Variants in MACROD2 observed in about 807,000 individuals in gnomAD.
MACROD2 encodes the protein mono-ADP ribosylhydrolase 2.
Under a neutral mutation model 70.4 loss-of-function variants are expected in MACROD2, and 36 were observed. The ratio of observed to expected loss-of-function variants is 0.51; its 90% CI spans 0.39 to 0.68. The LOEUF is 0.68. Among genes scored for constraint, MACROD2 ranks in the 30% least tolerant of loss-of-function variants. The pLI, the probability that MACROD2 is intolerant of heterozygous loss-of-function variation, is 0.00. For synonymous variants in MACROD2, 172 were observed against 178.8 expected (o/e 0.96, Z 0.30); for missense variants, 496 against 538.4 (o/e 0.92, Z 0.78).
At chr20:14,702,241 CAT>C (rs2071204831) in intron 5 of MACROD2, among the ~76,000 whole-genome samples, 1 of 151,810 alleles carries the variant, frequency 6.6e-6, no homozygotes, top group Admixed American at 6.6e-5. Flanking sequence ...GAATTTTAAA[CAT>C]ATTAACATTT....
At chr20:15,288,891 A>C in intron 6 of MACROD2, among the ~76,000 whole-genome samples, 1 of 151,560 alleles carries the variant, frequency 6.6e-6, no homozygotes, top group East Asian at 1.9e-4. Context: ...CTATCTATCT[A>C]TCTATCTATC....
At chr20:14,321,373 A>G (rs1003035502) in intron 3 of MACROD2, among the ~76,000 whole-genome samples, 1 of 152,172 alleles carries the variant, frequency 6.6e-6, no homozygotes, top group Non-Finnish European at 1.5e-5. Flanking sequence ...TCAAAAAAAA[A>G]AAGCCAGTCA....
intron 4 of MACROD2, among the ~76,000 whole-genome samples, chr20:14,640,866 C>T (rs6033996): frequency 1.3e-5 from 2 of 152,270 alleles, no homozygotes; most frequent in African/African-American, 4.8e-5. Context: ...AGGCTCTTGC[C>T]TCAGTGTTGA....
intron 6 of MACROD2, among the ~76,000 whole-genome samples, chr20:15,356,051 G>C (rs1361049915): frequency 6.6e-6 from 1 of 151,952 alleles, no homozygotes; most frequent in African/African-American, 2.4e-5. Flanking sequence ...ATTAGGTGTT[G>C]CTTCAACTTC....
chr20:14,909,002 G>A (rs1417891838), intron 5 of MACROD2, among the ~76,000 whole-genome samples: 1 of 152,192 alleles, frequency 6.6e-6, no homozygotes, highest in African/African-American at 2.4e-5. Context: ...TTAGACCACT[G>A]CAGGTATGGA....
At chr20:15,464,300 G>A (rs1043051963) in intron 7 of MACROD2, among the ~76,000 whole-genome samples, 32 of 152,154 alleles carry the variant, frequency 2.1e-4, no homozygotes, top group Admixed American at 2.1e-3. Flanking sequence ...ACAGGCATGA[G>A]CCACCATGCC....
intron 5 of MACROD2, among the ~76,000 whole-genome samples, chr20:14,924,352 T>C (rs1286546857): frequency 6.6e-6 from 1 of 151,858 alleles, no homozygotes; most frequent in Non-Finnish European, 1.5e-5. Flanking sequence ...GGCATAAGAA[T>C]TGCTTGAACC....
chr20:15,358,257 G>A (rs554787705), intron 6 of MACROD2, among the ~76,000 whole-genome samples: 11 of 152,090 alleles, frequency 7.2e-5, no homozygotes, highest in East Asian at 3.9e-4. Flanking sequence ...ATATTTACAC[G>A]GCTCTAATCA....
chr20:15,116,610 A>G (rs2075993522), intron 5 of MACROD2, among the ~76,000 whole-genome samples: 1 of 152,170 alleles, frequency 6.6e-6, no homozygotes, highest in African/African-American at 2.4e-5. Context: ...GTGCCAATGC[A>G]CTCCAGACTG....
At position 15,691,555 on chromosome 20, in the gene MACROD2, G is replaced by A. The variant is rs1600765658; in HGVS notation, c.646-171190G>A. ...TTAGATGGTGACAAGAGAAAATATA[G>A]CAGTCCTGTGGCTCATGAGAAATTG... On this transcript the variant is annotated intron_variant, in intron 8 of 17. Coordinates refer to ENST00000684519, the MANE Select transcript of MACROD2 (RefSeq NM_001351661.2). 4.6e-5 allele frequency among the ~76,000 whole-genome samples: 7 copies of A among 152,290 alleles called. 2 individuals are homozygous for A. The highest frequency in any genetic ancestry group is 4.6e-4 in the Admixed American group (7 of 15,292).
intron 8 of MACROD2, among the ~76,000 whole-genome samples, chr20:15,748,051 A>G (rs2051211109): frequency 6.6e-6 from 1 of 152,146 alleles, no homozygotes; most frequent in Non-Finnish European, 1.5e-5. Flanking sequence ...TACAAATCCC[A>G]GTGTCTGAAG....
chr20:15,834,711 T>TCC (rs2064093909), intron 8 of MACROD2, among the ~76,000 whole-genome samples: 1 of 152,214 alleles, frequency 6.6e-6, no homozygotes, highest in South Asian at 2.1e-4. Context: ...TCTGATGATT[T>TCC]AAACAGTTTC....
At chr20:15,960,986 G>A (rs2066052425) in intron 12 of MACROD2, among the ~76,000 whole-genome samples, 1 of 152,154 alleles carries the variant, frequency 6.6e-6, no homozygotes, top group South Asian at 2.1e-4. Flanking sequence ...AGTGAATCCA[G>A]CCTTTGAACC....
At chr20:15,904,761 G>C (rs1033492487) in intron 10 of MACROD2, among the ~76,000 whole-genome samples, 1 of 151,838 alleles carries the variant, frequency 6.6e-6, no homozygotes, top group Non-Finnish European at 1.5e-5. Flanking sequence ...GGTGCCTGTA[G>C]TCCCAGCTAC....
chr20:14,763,221 AG>A (rs11087108), intron 5 of MACROD2, among the ~76,000 whole-genome samples: 57,894 of 152,012 alleles, frequency 0.38, 13,168 homozygotes, highest in Non-Finnish European at 0.51. Flanking sequence ...CCACCTCACC[AG>A]GCCAATAAAG....
chr20:15,391,650 C>T (rs1285913820), intron 6 of MACROD2, among the ~76,000 whole-genome samples: 1 of 152,192 alleles, frequency 6.6e-6, no homozygotes, highest in African/African-American at 2.4e-5. Flanking sequence ...CTTCCATTAA[C>T]CCCCAAATGT....
intron 5 of MACROD2, among the ~76,000 whole-genome samples, chr20:14,768,087 C>T (rs575430197): frequency 1.2e-3 from 182 of 152,080 alleles, no homozygotes; most frequent in Admixed American, 2.0e-3. Flanking sequence ...TGAATACTGC[C>T]GCAATAAACA....
At chr20:16,009,688 T>C (rs916343462) in intron 15 of MACROD2, among the ~76,000 whole-genome samples, 3 of 151,442 alleles carry the variant, frequency 2.0e-5, no homozygotes, top group African/African-American at 7.3e-5. Flanking sequence ...ACCTGGGAGG[T>C]GGAGGTTGCA....
chr20:14,568,549 A>G (rs1047207064), intron 4 of MACROD2, among the ~76,000 whole-genome samples: 1 of 152,042 alleles, frequency 6.6e-6, no homozygotes, highest in Non-Finnish European at 1.5e-5. Flanking sequence ...TGCTCAACTT[A>G]CTCAAATAGT....
Sources: gnomAD v4.1 joint callset for allele counts (sites outside exome capture counted in the v4.1 genomes callset) on GRCh38, gnomAD v4.1.1 for gene constraint, MANE v1.5 for transcripts, NCBI Gene and HGNC (gene_info 2026-07-23, HGNC 2026-07-21) for gene names.